The following ADAMTS19 variants were observed in gnomAD, a reference collection of about 807,000 sequenced individuals.
ADAMTS19 encodes ADAM metallopeptidase with thrombospondin type 1 motif 19.
Under a neutral mutation model 153.3 loss-of-function variants are expected in ADAMTS19, and 93 were observed. That is an observed-to-expected ratio of 0.61 (90% CI 0.51 to 0.72). The LOEUF (loss-of-function observed/expected upper bound fraction) is 0.72, where lower values mean the gene tolerates loss of function less well. Ranked by LOEUF, ADAMTS19 falls within the 30% of genes least tolerant of loss-of-function variation. ADAMTS19 has a pLI of 0.00. For synonymous variants in ADAMTS19, 600 were observed against 556.6 expected (o/e 1.08, Z -1.10); for missense variants, 1,482 against 1,552.1 (o/e 0.95, Z 0.76).
intron 8 of ADAMTS19, among the ~76,000 whole-genome samples, chr5:129,609,001 T>C (rs1306639640): frequency 6.6e-6 from 1 of 152,156 alleles, no homozygotes; most frequent in Non-Finnish European, 1.5e-5. Flanking sequence ...TAGAAATACA[T>C]TGCTCCTTAA....
chr5:129,668,308 T>C (rs1424876439), intron 16 of ADAMTS19, among the ~76,000 whole-genome samples: 1 of 152,234 alleles, frequency 6.6e-6, no homozygotes. Flanking sequence ...AATTTTTTAA[T>C]GTGCCACAGA....
chr5:129,665,881 C>CATATATATATATATATATAT (rs3979171), intron 16 of ADAMTS19, among the ~76,000 whole-genome samples: 30 of 143,678 alleles, frequency 2.1e-4, no homozygotes, highest in African/African-American at 7.0e-4. Context: ...GATTTATATT[C>CATATATATATATATATATAT]ATATATATAT....
chr5:129,503,205 G>A (rs761844954), intron 2 of ADAMTS19, among the ~76,000 whole-genome samples: 31 of 152,138 alleles, frequency 2.0e-4, no homozygotes, highest in Non-Finnish European at 2.5e-4. Context: ...TATAGGCCTC[G>A]TATACCTTCA....
chr5:129,560,520 C>T (rs947667886), intron 7 of ADAMTS19, among the ~76,000 whole-genome samples: 2 of 152,182 alleles, frequency 1.3e-5, no homozygotes, highest in Non-Finnish European at 2.9e-5. Context: ...ACATCAGTGC[C>T]AGCTCAGAAC....
intron 8 of ADAMTS19, among the ~76,000 whole-genome samples, chr5:129,600,702 G>A (rs1185341088): frequency 1.3e-5 from 2 of 152,072 alleles, no homozygotes; most frequent in Non-Finnish European, 2.9e-5. Flanking sequence ...CAGCAAAAAT[G>A]TATCGACTTT....
intron 10 of ADAMTS19, among the ~76,000 whole-genome samples, chr5:129,626,864 A>C (rs1244551883): frequency 6.6e-6 from 1 of 152,120 alleles, no homozygotes; most frequent in African/African-American, 2.4e-5. Flanking sequence ...AAACTCAGGT[A>C]AAACAGGAAG....
intron 6 of ADAMTS19, among the ~76,000 whole-genome samples, chr5:129,544,450 G>T (rs575820787): frequency 6.6e-6 from 1 of 152,168 alleles, no homozygotes; most frequent in East Asian, 1.9e-4. Flanking sequence ...TCATTTTACT[G>T]CACTTCATTC....
rs116506009 is a variant in ADAMTS19, at chr5:129,623,573, A to G, written c.1770+1225A>G. On this transcript the variant is annotated intron_variant, in intron 10 of 22. Coordinates refer to ENST00000274487, the MANE Select transcript of ADAMTS19 (RefSeq NM_133638.6). ...TAAGATGCTTTATAACGAACAAAGC[A>G]TATGACATTATAATTTATTGAATGC... 1.1e-3 allele frequency among the ~76,000 whole-genome samples: 168 copies of G among 152,326 alleles called. 1 individual carries two copies. The highest frequency in any genetic ancestry group is 3.5e-3 in the African/African-American group (146 of 41,570).
chr5:129,682,733 T>A (rs1754879234), intron 17 of ADAMTS19, among the ~76,000 whole-genome samples: 1 of 152,154 alleles, frequency 6.6e-6, no homozygotes. Flanking sequence ...CCAAAATAAG[T>A]ACTATGATAG....
chr5:129,644,651 A>G (rs1041981361), intron 11 of ADAMTS19, among the ~76,000 whole-genome samples: 51 of 152,272 alleles, frequency 3.3e-4, no homozygotes, highest in African/African-American at 1.2e-3. Context: ...TCAATTTACA[A>G]TACAAATATC....
chr5:129,531,301 C>T (rs1326107709), intron 6 of ADAMTS19, among the ~76,000 whole-genome samples: 1 of 151,978 alleles, frequency 6.6e-6, no homozygotes, highest in Non-Finnish European at 1.5e-5. Flanking sequence ...GGCAGAGGAC[C>T]TAGAAGAATC....
At chr5:129,725,698 G>T (rs947853062) in intron 21 of ADAMTS19, among the ~76,000 whole-genome samples, 1 of 151,970 alleles carries the variant, frequency 6.6e-6, no homozygotes, top group Non-Finnish European at 1.5e-5. Flanking sequence ...TCCTGGTTGC[G>T]GGGGAGGGAG....
chr5:129,677,887 ACT>A (rs1393091267), intron 16 of ADAMTS19, among the ~76,000 whole-genome samples: 1 of 151,946 alleles, frequency 6.6e-6, no homozygotes, highest in Non-Finnish European at 1.5e-5. Context: ...ATCTCAGCTC[ACT>A]GCAACCTCCA....
At position 129,737,136 on chromosome 5, in the gene ADAMTS19, T is replaced by C; in HGVS notation, c.3560T>C (p.Leu1187Pro). The C allele has an allele frequency of 6.2e-7, 1 of 1,612,060 alleles. No homozygotes were observed. The highest frequency in any genetic ancestry group is 8.5e-7 in the Non-Finnish European group (1 of 1,178,668). Residue 1187 changes from leucine (L) to proline (P), a missense_variant, in exon 23 of 23, where the codon CTA becomes CCA. This residue lies in a region of ADAMTS19 where 616 missense variants were observed against 724.4 expected (regional missense o/e 0.85). Coordinates refer to ENST00000274487, the MANE Select transcript of ADAMTS19 (RefSeq NM_133638.6). ...TGCCGAGTGATACGTGAAAAGAACC[T>C]ATGTCAGGACATGCGGTGGTATCAG... is the stretch of plus-strand genomic sequence containing the variant. ...VYCRVIREKN[L>P]CQDMRWYQRC...
intron 6 of ADAMTS19, among the ~76,000 whole-genome samples, chr5:129,529,885 A>G (rs949516101): frequency 6.6e-6 from 1 of 152,164 alleles, no homozygotes; most frequent in Non-Finnish European, 1.5e-5. Context: ...AGGAATAAGC[A>G]AATTCAAAGC....
At chr5:129,539,425 C>G (rs1236954848) in intron 6 of ADAMTS19, among the ~76,000 whole-genome samples, 3 of 152,016 alleles carry the variant, frequency 2.0e-5, no homozygotes, top group Non-Finnish European at 2.9e-5. Context: ...ACCCTAGTGC[C>G]TCTAGAAGGA....
chr5:129,549,811 T>G (rs1303282142), intron 6 of ADAMTS19, among the ~76,000 whole-genome samples: 1 of 146,504 alleles, frequency 6.8e-6, no homozygotes, highest in East Asian at 2.0e-4. Context: ...TATATATACA[T>G]ATACATGTAT....
At chr5:129,474,547 C>T (rs1185884839) in intron 2 of ADAMTS19, among the ~76,000 whole-genome samples, 1 of 152,128 alleles carries the variant, frequency 6.6e-6, no homozygotes, top group Non-Finnish European at 1.5e-5. Flanking sequence ...AGTTTCTCAA[C>T]ATCCTCAACA....
chr5:129,569,729 A>C lies in ADAMTS19; in HGVS notation c.1372+17822A>C, dbSNP rs533773436. Among the ~76,000 whole-genome samples the C allele has an allele frequency of 2.0e-5, 3 of 152,244 alleles. No individual in the cohort carries two copies. In the East Asian group the frequency reaches 5.8e-4, roughly 29 times the overall value. ...AAATTCTCAATAATTTATGGGTTGA[A>C]TGAAACATTTCAAGGGAAATTACTA... On this transcript the variant is annotated intron_variant, in intron 7 of 22. Coordinates refer to ENST00000274487, the MANE Select transcript of ADAMTS19 (RefSeq NM_133638.6).
Sources: allele counts gnomAD v4.1 joint callset (sites outside exome capture counted in the v4.1 genomes callset), GRCh38; gene constraint gnomAD v4.1.1; regional missense constraint gnomAD v4.1.1; transcripts MANE v1.5; gene names NCBI Gene and HGNC (gene_info 2026-07-23, HGNC 2026-07-21).